The following NKTR variants were observed in gnomAD, a reference collection of about 807,000 sequenced individuals.
NKTR encodes natural killer cell triggering receptor, also known as NK-tumor recognition protein.
NKTR carries 67 observed loss-of-function variants against 156.3 expected under a neutral mutation model. That is an observed-to-expected ratio of 0.43 (90% confidence interval 0.35 to 0.53). The LOEUF is 0.53. NKTR is among the 20% of genes least tolerant of loss of function. NKTR has a pLI of 0.01. For synonymous variants in NKTR, 640 were observed against 596.6 expected (o/e 1.07, Z -1.06); for missense variants, 1,604 against 1,730.9 (o/e 0.93, Z 1.30).
chr3:42,619,703 T>C lies in NKTR; in HGVS notation c.281T>C (p.Phe94Ser). 1 of 1,610,852 alleles carries C rather than the reference T, an allele frequency of 6.2e-7. No homozygotes were observed. Among genetic ancestry groups the C allele is most frequent in the South Asian group, 1.1e-5 (1 of 90,852 alleles). The part of the protein sequence containing the change: ...KGGESIYGGY[F>S]KDENFILKHD... Reference sequence around the variant, plus strand: ...GGAGAATCAATTTATGGTGGATATTTTAAAGGTAAGGCTTAATATTTTACG... The same window carrying C: ...GGAGAATCAATTTATGGTGGATATTCTAAAGGTAAGGCTTAATATTTTACG... The change falls in exon 5 of 17, where the codon TTT becomes TCT. Residue 94 changes from phenylalanine to serine, a missense_variant. Physicochemically the swap from Phe to Ser is radical, Grantham distance 155. Around this residue, in one of 6 missense-constraint regions of NKTR, gnomAD observed 61 missense variants for 113.3 expected, o/e 0.54. Transcript: ENST00000232978.
At chr3:42,643,131 C>G (rs1710038316) in intron 14 of NKTR, among the ~76,000 whole-genome samples, 1 of 152,194 alleles carries the variant, frequency 6.6e-6, no homozygotes, top group South Asian at 2.1e-4. Context: ...ATATGCATCT[C>G]AGAGAAGAAC....
In NKTR at chr3:42,619,671, A is replaced by G. The variant is rs764280747; in HGVS notation, c.249A>G (p.Gly83=). 8 of 1,605,032 alleles carry G rather than the reference A, an allele frequency of 5.0e-6. No individual in the cohort carries two copies. The Admixed American group carries it at 8.4e-5, about 17-fold the overall frequency. The change falls in exon 5 of 17, where the codon GGA becomes GGG. Residue 83 remains glycine, a synonymous_variant. Coordinates refer to ENST00000232978, the MANE Select transcript of NKTR (RefSeq NM_005385.4). The stretch of plus-strand genomic sequence containing the variant: ...GTAGGTGATTATTTGCAGGTAATGG[A>G]AAAGGTGGAGAATCAATTTATGGTG... ...IQGGDFSEGN[G]KGGESIYGGY...
chr3:42,601,005 C>T lies in NKTR; in HGVS notation c.-2C>T. On this transcript the variant is annotated 5_prime_UTR_variant, in exon 2 of 17. Transcript: ENST00000232978. Reference sequence around the variant, plus strand: ...CCAGCTCTTGCCGCCACCTCGGTCGCGATGGGGGCGCAGGACCGGCCGCAG... The same window carrying T: ...CCAGCTCTTGCCGCCACCTCGGTCGTGATGGGGGCGCAGGACCGGCCGCAG... 1.3e-6 allele frequency: 2 copies of T among 1,567,558 alleles called. No homozygotes were observed. Among genetic ancestry groups the T allele is most frequent in the Non-Finnish European group, 1.7e-6 (2 of 1,159,656 alleles).
At chr3:42,619,920 G>T in intron 5 of NKTR, 5 of 1,459,682 alleles carry the variant, frequency 3.4e-6, no homozygotes, top group Middle Eastern at 1.8e-4. Context: ...TAACTTTATG[G>T]TTAAACATGA....
At chr3:42,640,484 A>G (rs544454041) in intron 13 of NKTR, among the ~76,000 whole-genome samples, 77 of 152,282 alleles carry the variant, frequency 5.1e-4, no homozygotes, top group African/African-American at 1.6e-3. Context: ...TTAATTATTC[A>G]TATCCCTTAT....
intron 6 of NKTR, 82 bp from the exon 7 acceptor site, chr3:42,630,464 A>C (rs1006669648): frequency 6.3e-7 from 1 of 1,598,662 alleles, no homozygotes; most frequent in African/African-American, 1.3e-5. Flanking sequence ...TGTTCTCTAC[A>C]TGCTGTGTTT....
chr3:42,617,077 T>C (rs1707441907), intron 2 of NKTR, among the ~76,000 whole-genome samples: 1 of 152,140 alleles, frequency 6.6e-6, no homozygotes, highest in South Asian at 2.1e-4. Flanking sequence ...ATTTTAAGTG[T>C]GATTGGTGCA....
chr3:42,640,010 G>A (rs545031060), intron 13 of NKTR, among the ~76,000 whole-genome samples: 5 of 152,160 alleles, frequency 3.3e-5, no homozygotes, highest in Non-Finnish European at 7.4e-5. Flanking sequence ...ATGATAGGTG[G>A]TAAATTCTCC....
chr3:42,633,389 C>T, intron 9 of NKTR, 191 bp from the exon 10 acceptor site: 1 of 1,357,162 alleles, frequency 7.4e-7, no homozygotes, highest in Non-Finnish European at 9.5e-7. Context: ...AACAATTTTC[C>T]TATCAAAATT....
chr3:42,618,908 C>G, intron 3 of NKTR, 112 bp from the exon 4 acceptor site: 1 of 837,978 alleles, frequency 1.2e-6, no homozygotes, highest in Non-Finnish European at 1.8e-6. Context: ...TATATCTCTT[C>G]CAGTGCCTAG....
Position 42,638,095 on chromosome 3 carries a change from G to T in NKTR, c.2391G>T (p.Lys797Asn). 1 of 1,614,090 alleles carries T rather than the reference G, an allele frequency of 6.2e-7. No individual in the cohort carries two copies. Among genetic ancestry groups the T allele is most frequent in the Non-Finnish European group, 8.5e-7 (1 of 1,180,032 alleles). ...GAGACAGGTCTTCATGTGTGAGAAA[G>T]TATAGCGAGAGCAGATCATCTTTAG... ...KGRDRSSCVR[K>N]YSESRSSLDY... Residue 797 changes from lysine (K) to asparagine (N), a missense_variant, in exon 13 of 17, where the codon AAG (lysine) becomes AAT (asparagine). Coordinates refer to ENST00000232978, the MANE Select transcript of NKTR (RefSeq NM_005385.4).
At chr3:42,644,126 T>A (rs1710155881) in intron 16 of NKTR, 123 bp downstream of exon 16, 2 of 605,832 alleles carry the variant, frequency 3.3e-6, no homozygotes, top group African/African-American at 3.8e-5. Context: ...CAGAAATACT[T>A]CTTCCTTTAA....
intron 4 of NKTR, 50 bp downstream of exon 4, chr3:42,619,177 G>A (rs768177873): frequency 6.3e-7 from 1 of 1,578,212 alleles, no homozygotes; most frequent in Non-Finnish European, 8.6e-7. Context: ...AGTTTTTAAA[G>A]TATTTCATTA....
intron 6 of NKTR, 84 bp from the exon 7 acceptor site, chr3:42,630,462 A>G (rs1159517557): frequency 5.6e-6 from 9 of 1,598,800 alleles, no homozygotes; most frequent in South Asian, 3.4e-5. Flanking sequence ...TTTGTTCTCT[A>G]CATGCTGTGT....
At chr3:42,642,990 T>G (rs1577594162) in intron 14 of NKTR, among the ~76,000 whole-genome samples, 1 of 152,240 alleles carries the variant, frequency 6.6e-6, no homozygotes, top group East Asian at 1.9e-4. Flanking sequence ...AGATTTCTAG[T>G]TCTCCTAGCT....
chr3:42,646,865 G>A lies in NKTR; in HGVS notation c.*890G>A, dbSNP rs1411729909. 1.3e-5 allele frequency: 2 copies of A among 152,354 alleles called. No homozygotes were observed. 9.4% of individuals were successfully genotyped at this position (152,354 alleles called of 1,614,324 possible). On this transcript the variant is annotated 3_prime_UTR_variant, in exon 17 of 17. Transcript: ENST00000232978. ...CTGTCTTCACTTTGACTATTTGGGG[G>A]GCTTCTCTCAAGTACAGATGTGGGT...
In NKTR at chr3:42,639,656, C is replaced by T; in HGVS notation, c.3952C>T (p.Arg1318Ter). ...CCAGTCCAGGAGTCCAAGTAGATCT[C>T]GAAGTAAATCTGAAACCAAATCAAG... is the stretch of plus-strand genomic sequence containing the variant. ...DSQSRSPSRSRSKSETKSRHR... is the reference protein window; with the variant it reads ...DSQSRSPSRS Residue 1318 changes from arginine (R) to a stop codon, truncating the protein, a stop_gained, in exon 13 of 17, where the codon CGA becomes TGA. Transcript: ENST00000232978. LOFTEE classifies it high-confidence loss of function. The T allele has an allele frequency of 1.2e-6, 2 of 1,613,948 alleles. No homozygotes were observed. Among genetic ancestry groups the T allele is most frequent in the Non-Finnish European group, 1.7e-6 (2 of 1,179,910 alleles).
chr3:42,604,974 G>A (rs1559548043), intron 2 of NKTR, among the ~76,000 whole-genome samples: 1 of 152,072 alleles, frequency 6.6e-6, no homozygotes, highest in Non-Finnish European at 1.5e-5. Flanking sequence ...ACAGGCATGA[G>A]CCATCATGCC....
At position 42,601,049 on chromosome 3, in the gene NKTR, A is replaced by G; in HGVS notation, c.43A>G (p.Ile15Val). The change falls in exon 2 of 17, where the codon ATC becomes GTC. Residue 15 changes from isoleucine (I) to valine (V), a missense_variant. Ile to Val is a conservative substitution (Grantham distance 29, BLOSUM62 3). Around this residue, in one of 6 missense-constraint regions of NKTR, gnomAD observed 73 missense variants for 90.7 expected, o/e 0.80. Coordinates refer to ENST00000232978, the MANE Select transcript of NKTR (RefSeq NM_005385.4). ...GCCGCAGTGCCACTTCGACATCGAG[A>G]TCAACCGGGAGCCGGGTGAGCTGGA... ...DRPQCHFDIE[I>V]NREPVGRIMF... 6.3e-7 allele frequency: 1 copy of G among 1,579,954 alleles called. No homozygotes were observed. The highest frequency in any genetic ancestry group is 8.6e-7 in the Non-Finnish European group (1 of 1,166,038).
Sources: allele counts gnomAD v4.1 joint callset (sites outside exome capture counted in the v4.1 genomes callset), GRCh38; gene constraint gnomAD v4.1.1; regional missense constraint gnomAD v4.1.1; transcripts MANE v1.5; gene names NCBI Gene and HGNC (gene_info 2026-07-23, HGNC 2026-07-21).